The following FER1L6 variants were observed in gnomAD, a reference collection of about 807,000 sequenced individuals.
FER1L6 encodes fer-1 like family member 6.
FER1L6 carries 177 observed loss-of-function variants against 219.2 expected under a neutral mutation model. The observed-to-expected ratio is 0.81, with a 90% CI of 0.71 to 0.91. FER1L6 has a LOEUF of 0.91. Ranked by LOEUF, FER1L6 falls within the 40% of genes least tolerant of loss-of-function variation. The pLI, the probability that FER1L6 is intolerant of heterozygous loss-of-function variation, is 0.00. For missense variants in FER1L6, 2,153 were observed against 2,259.9 expected (o/e 0.95, Z 0.96); for synonymous variants, 768 against 824.3 (o/e 0.93, Z 1.17).
chr8:123,936,484 TTTG>T (rs1333047156), intron 1 of FER1L6, among the ~76,000 whole-genome samples: 342 of 148,362 alleles, frequency 2.3e-3, no homozygotes, highest in African/African-American at 7.2e-3. Context: ...TTTTTTTTTT[TTTG>T]TAAACAGTGC....
intron 1 of FER1L6, among the ~76,000 whole-genome samples, chr8:123,862,438 C>T (rs1196707259): frequency 2.8e-5 from 4 of 140,566 alleles, no homozygotes; most frequent in African/African-American, 8.7e-5. Flanking sequence ...GTCCAAAATC[C>T]TCTTTTTTGG....
intron 12 of FER1L6, among the ~76,000 whole-genome samples, chr8:123,992,502 A>T (rs559979950): frequency 6.6e-6 from 1 of 152,242 alleles, no homozygotes; most frequent in African/African-American, 2.4e-5. Flanking sequence ...AGAAGTATTC[A>T]TAGTAGTCTT....
intron 1 of FER1L6, among the ~76,000 whole-genome samples, chr8:123,855,594 G>A (rs1002912639): frequency 4.0e-5 from 6 of 151,404 alleles, no homozygotes; most frequent in African/African-American, 1.5e-4. Flanking sequence ...ATCTTGGGCC[G>A]GCTGTCTTCC....
At chr8:124,070,365 G>A (rs914552319) in intron 29 of FER1L6, 102 bp from the exon 30 acceptor site, 11 of 1,291,096 alleles carry the variant, frequency 8.5e-6, no homozygotes, top group Non-Finnish European at 8.6e-6. Context: ...TTTTCCCAAG[G>A]GGCATATATC....
chr8:123,997,949 C>T (rs1488340685), intron 12 of FER1L6, among the ~76,000 whole-genome samples: 1 of 152,156 alleles, frequency 6.6e-6, no homozygotes, highest in East Asian at 1.9e-4. Context: ...TTCCTCTATA[C>T]AGCTATTTTG....
At chr8:123,866,047 G>T (rs564008969) in intron 1 of FER1L6, among the ~76,000 whole-genome samples, 1 of 151,724 alleles carries the variant, frequency 6.6e-6, no homozygotes, top group Admixed American at 6.5e-5. Context: ...TTGGACATTT[G>T]GGTTGGTTCC....
chr8:124,062,420 C>A (rs1156404548), intron 25 of FER1L6, among the ~76,000 whole-genome samples: 1 of 152,200 alleles, frequency 6.6e-6, no homozygotes, highest in Non-Finnish European at 1.5e-5. Flanking sequence ...TTCTCTCATT[C>A]TATCCACTGT....
Position 124,006,855 on chromosome 8 carries a change from A to G in FER1L6, c.1700+3508A>G, listed in dbSNP as rs189934780. Among the ~76,000 whole-genome samples the G allele has an allele frequency of 8.1e-4, 124 of 152,302 alleles. 1 individual carries two copies. The highest frequency in any genetic ancestry group is 6.0e-3 in the Admixed American group (92 of 15,298). ...GCATCCTTGTCCATGTAGACACACT[A>G]AGACTAGGAGGTCCCTGAGAACCAA... On this transcript the variant is annotated intron_variant, in intron 13 of 40. Transcript: ENST00000522917.
chr8:124,016,209 G>A (rs986810052), intron 15 of FER1L6, among the ~76,000 whole-genome samples: 1 of 152,172 alleles, frequency 6.6e-6, no homozygotes, highest in Non-Finnish European at 1.5e-5. Flanking sequence ...TCTGCCACAA[G>A]AAAAGGCAGG....
intron 25 of FER1L6, among the ~76,000 whole-genome samples, chr8:124,064,037 C>T (rs569117766): frequency 1.3e-5 from 2 of 152,292 alleles, no homozygotes; most frequent in African/African-American, 4.8e-5. Context: ...ACAGAATCTG[C>T]ACCCTAAACC....
At chr8:124,064,258 C>T (rs1408242476) in intron 25 of FER1L6, 89 bp from the exon 26 acceptor site, 7 of 1,004,330 alleles carry the variant, frequency 7.0e-6, no homozygotes, top group Middle Eastern at 2.9e-4. Flanking sequence ...TATTTGAATC[C>T]GAATCTGTCT....
chr8:123,870,762 GAACCTT>G (rs1301161129), intron 1 of FER1L6, among the ~76,000 whole-genome samples: 2 of 152,156 alleles, frequency 1.3e-5, no homozygotes, highest in Non-Finnish European at 2.9e-5. Context: ...AAAACCCATA[GAACCTT>G]ACAGCAGTAA....
chr8:124,011,768 A>T (rs899432549), intron 14 of FER1L6, among the ~76,000 whole-genome samples: 3 of 151,920 alleles, frequency 2.0e-5, no homozygotes, highest in Non-Finnish European at 4.4e-5. Context: ...GATAGGCATG[A>T]GCCATTGTGC....
At chr8:123,963,172 CTT>C in intron 2 of FER1L6, 104 bp from the exon 3 acceptor site, 1 of 1,470,088 alleles carries the variant, frequency 6.8e-7, no homozygotes, top group Non-Finnish European at 9.3e-7. Flanking sequence ...CTTCTAGTCT[CTT>C]TGTACCACTT....
chr8:123,923,341 A>G (rs1201037100), intron 1 of FER1L6, among the ~76,000 whole-genome samples: 1 of 152,236 alleles, frequency 6.6e-6, no homozygotes, highest in African/African-American at 2.4e-5. Context: ...GATACAATGC[A>G]CGGCCATTGG....
intron 1 of FER1L6, among the ~76,000 whole-genome samples, chr8:123,885,850 G>A (rs192410538): frequency 3.3e-4 from 51 of 152,262 alleles, no homozygotes; most frequent in Admixed American, 1.0e-3. Context: ...TGTGGCCATG[G>A]AGCCATGCTA....
chr8:124,068,872 G>A (rs1183907149), intron 28 of FER1L6, among the ~76,000 whole-genome samples: 2 of 151,824 alleles, frequency 1.3e-5, no homozygotes, highest in Admixed American at 6.6e-5. Context: ...CAGACTGTAT[G>A]TAACAATCCT....
chr8:124,117,092 T>C (rs1364914028), intron 39 of FER1L6, among the ~76,000 whole-genome samples: 1 of 152,192 alleles, frequency 6.6e-6, no homozygotes, highest in Non-Finnish European at 1.5e-5. Flanking sequence ...GGCAATTAGA[T>C]GAATAAGTTG....
At chr8:123,896,473 C>T (rs1407919873) in intron 1 of FER1L6, among the ~76,000 whole-genome samples, 3 of 152,182 alleles carry the variant, frequency 2.0e-5, no homozygotes, top group Admixed American at 1.3e-4. Context: ...CTCATGGACT[C>T]TTGCAAGGAA....
Sources: gnomAD v4.1 joint callset for allele counts (sites outside exome capture counted in the v4.1 genomes callset) on GRCh38, gnomAD v4.1.1 for gene constraint, MANE v1.5 for transcripts, NCBI Gene and HGNC (gene_info 2026-07-23, HGNC 2026-07-21) for gene names.